XIRP2: variants seen among roughly 807,000 people sequenced by gnomAD.
The protein encoded by XIRP2 is xin actin binding repeat containing 2, also known as xin actin-binding repeat-containing protein 2.
In XIRP2, 236 loss-of-function variants were observed where a neutral mutation model predicts 277.0. The ratio of observed to expected loss-of-function variants is 0.85; its 90% CI spans 0.77 to 0.95. The LOEUF (loss-of-function observed/expected upper bound fraction) is 0.95, where lower values mean the gene tolerates loss of function less well. Among genes scored for constraint, XIRP2 ranks in the 40% least tolerant of loss-of-function variants. The pLI, the probability that XIRP2 is intolerant of heterozygous loss-of-function variation, is 0.00. For synonymous variants in XIRP2, 1,490 were observed against 1,416.5 expected (o/e 1.05, Z -1.17); for missense variants, 4,640 against 4,157.5 (o/e 1.12, Z -3.19).
At chr2:167,169,146 A>G (rs1692610637) in intron 3 of XIRP2, among the ~76,000 whole-genome samples, 3 of 152,172 alleles carry the variant, frequency 2.0e-5, no homozygotes, top group Admixed American at 2.0e-4. Flanking sequence ...TAGTCCTATG[A>G]TTAGGCTCTG....
At chr2:167,092,814 G>A (rs902563442) in intron 2 of XIRP2, among the ~76,000 whole-genome samples, 4 of 152,040 alleles carry the variant, frequency 2.6e-5, no homozygotes, top group Non-Finnish European at 4.4e-5. Context: ...AGTGATTTAA[G>A]CAAATTACAT....
In XIRP2 at chr2:167,258,095, G is replaced by A; in HGVS notation, c.*278G>A. 6.2e-7 allele frequency: 1 copy of A among 1,613,084 alleles called. No homozygotes were observed. The highest frequency in any genetic ancestry group is 8.5e-7 in the Non-Finnish European group (1 of 1,179,522). On this transcript the variant is annotated 3_prime_UTR_variant, in exon 11 of 11. Transcript: ENST00000409195. ...AGATCGTAATGAACATTTAGATGCT[G>A]GTAACAGTGAAGGGCAAAGGAATGA...
chr2:166,902,901 A>G (rs571673855), intron 1 of XIRP2, among the ~76,000 whole-genome samples: 1 of 152,228 alleles, frequency 6.6e-6, no homozygotes, highest in African/African-American at 2.4e-5. Flanking sequence ...GATAATGTTA[A>G]GATTAAAATG....
chr2:167,008,796 T>G (rs1177898560), intron 2 of XIRP2, among the ~76,000 whole-genome samples: 1 of 151,510 alleles, frequency 6.6e-6, no homozygotes, highest in Admixed American at 6.6e-5. Flanking sequence ...CATTCAAAAC[T>G]ACAAAGAAAA....
intron 2 of XIRP2, among the ~76,000 whole-genome samples, chr2:167,024,807 C>A (rs1688102159): frequency 6.6e-6 from 1 of 152,162 alleles, no homozygotes; most frequent in African/African-American, 2.4e-5. Context: ...ATGAAGCCCA[C>A]TTGATCATGG....
chr2:166,963,910 A>G (rs946098368), intron 2 of XIRP2, among the ~76,000 whole-genome samples: 1 of 151,858 alleles, frequency 6.6e-6, no homozygotes, highest in Non-Finnish European at 1.5e-5. Context: ...AGCATCAGAC[A>G]GTGTTCGGAG....
chr2:167,249,112 C>G lies in XIRP2; in HGVS notation c.7720C>G (p.Gln2574Glu). 6.2e-7 allele frequency: 1 copy of G among 1,613,672 alleles called. No homozygotes were observed. Among genetic ancestry groups the G allele is most frequent in the Non-Finnish European group, 8.5e-7 (1 of 1,179,770 alleles). Residue 2574 changes from glutamine to glutamate, a missense_variant, in exon 9 of 11, where the codon CAA (glutamine) becomes GAA (glutamate). Physicochemically the swap from Gln to Glu is conservative, Grantham distance 29 (BLOSUM62 2). Coordinates refer to ENST00000409195, the MANE Select transcript of XIRP2 (RefSeq NM_152381.6). ...ESSYYNIVKT[Q>E]SQNQHITEVE... ...TTCTTACTACAACATTGTTAAAACT[C>G]AAAGCCAAAATCAACACATAACAGA... is the stretch of plus-strand genomic sequence containing the variant.
At chr2:167,061,024 TC>T (rs1341321190) in intron 2 of XIRP2, among the ~76,000 whole-genome samples, 1 of 152,122 alleles carries the variant, frequency 6.6e-6, no homozygotes, top group Non-Finnish European at 1.5e-5. Flanking sequence ...ATTTATTTTC[TC>T]ATTTATCAGA....
rs1236777684 is a variant in XIRP2, at chr2:167,084,219, T to C, written c.409-51690T>C. Among the ~76,000 whole-genome samples the C allele has an allele frequency of 1.1e-4, 16 of 152,290 alleles. No homozygotes were observed. In the South Asian group the frequency reaches 1.7e-3, roughly 16 times the overall value. ...ATAATAATGTGGTTTTTGTCTTTGGTTCTGTTTATATGCTGGATTACATTT... is the reference window on the plus strand; with the variant it reads ...ATAATAATGTGGTTTTTGTCTTTGGCTCTGTTTATATGCTGGATTACATTT... On this transcript the variant is annotated intron_variant, in intron 2 of 10. Coordinates refer to ENST00000409195, the MANE Select transcript of XIRP2 (RefSeq NM_152381.6).
At chr2:167,083,517 C>T (rs1443702145) in intron 2 of XIRP2, among the ~76,000 whole-genome samples, 1 of 152,168 alleles carries the variant, frequency 6.6e-6, no homozygotes, top group Non-Finnish European at 1.5e-5. Context: ...GGCATTGAAT[C>T]TGTAAATTAC....
chr2:167,028,468 T>C (rs948683130), intron 2 of XIRP2, among the ~76,000 whole-genome samples: 4 of 152,066 alleles, frequency 2.6e-5, no homozygotes, highest in African/African-American at 9.7e-5. Context: ...AGGCAATATC[T>C]CTATGATTCT....
At chr2:167,200,382 A>G (rs1416594643) in intron 3 of XIRP2, among the ~76,000 whole-genome samples, 1 of 152,208 alleles carries the variant, frequency 6.6e-6, no homozygotes, top group Non-Finnish European at 1.5e-5. Context: ...TTGAATGACG[A>G]TTTTATGATT....
At chr2:167,165,759 T>C (rs753432468) in intron 3 of XIRP2, among the ~76,000 whole-genome samples, 38 of 152,216 alleles carry the variant, frequency 2.5e-4, no homozygotes, top group Admixed American at 8.5e-4. Flanking sequence ...GATAAGTCTT[T>C]TGCAAATTAT....
chr2:167,013,098 A>G (rs1687726816), intron 2 of XIRP2, among the ~76,000 whole-genome samples: 1 of 151,312 alleles, frequency 6.6e-6, no homozygotes, highest in Non-Finnish European at 1.5e-5. Flanking sequence ...TACCCAAACT[A>G]TATCGTAGCT....
chr2:167,059,850 T>G (rs1479658583), intron 2 of XIRP2, among the ~76,000 whole-genome samples: 3 of 152,218 alleles, frequency 2.0e-5, no homozygotes, highest in Non-Finnish European at 4.4e-5. Flanking sequence ...GCAAGCATGA[T>G]GCTAGCAGAG....
At chr2:167,082,337 G>A (rs1449485382) in intron 2 of XIRP2, among the ~76,000 whole-genome samples, 1 of 151,990 alleles carries the variant, frequency 6.6e-6, no homozygotes, top group Admixed American at 6.6e-5. Context: ...TCTTAATCCG[G>A]TCTATCATTG....
chr2:166,932,717 G>T (rs1175419294), intron 2 of XIRP2, among the ~76,000 whole-genome samples: 1 of 151,796 alleles, frequency 6.6e-6, no homozygotes, highest in East Asian at 1.9e-4. Flanking sequence ...TGTGTGTCTG[G>T]TGTGAGGTAG....
chr2:166,981,418 C>A (rs1464389417), intron 2 of XIRP2, among the ~76,000 whole-genome samples: 1 of 151,488 alleles, frequency 6.6e-6, no homozygotes, highest in Non-Finnish European at 1.5e-5. Context: ...GTGTCCTCTG[C>A]TCTTCTTCTT....
intron 2 of XIRP2, among the ~76,000 whole-genome samples, chr2:167,086,630 C>G (rs1031628361): frequency 6.6e-6 from 1 of 152,150 alleles, no homozygotes; most frequent in Admixed American, 6.5e-5. Flanking sequence ...TTCTTGGAGG[C>G]TTTGCTCATT....
Sources: allele counts gnomAD v4.1 joint callset (sites outside exome capture counted in the v4.1 genomes callset), GRCh38; gene constraint gnomAD v4.1.1; transcripts MANE v1.5; gene names NCBI Gene and HGNC (gene_info 2026-07-23, HGNC 2026-07-21).